The following MACF1 variants were observed in gnomAD, a reference collection of about 807,000 sequenced individuals.
MACF1 encodes the protein microtubule-actin cross-linking factor 1.
Under a neutral mutation model 854.8 loss-of-function variants are expected in MACF1, and 193 were observed. The observed-to-expected ratio is 0.23, with a 90% confidence interval of 0.20 to 0.25. The LOEUF (loss-of-function observed/expected upper bound fraction) is 0.25. MACF1 is among the 10% of genes least tolerant of loss of function. The pLI, the probability that MACF1 is intolerant of heterozygous loss-of-function variation, is 1.00. For synonymous variants in MACF1, 3,185 were observed against 3,226.7 expected (o/e 0.99, Z 0.44); for missense variants, 7,722 against 8,929.1 (o/e 0.86, Z 5.45).
intron 51 of MACF1, 54 bp downstream of exon 51, chr1:39,370,240 G>T (rs1451767013): frequency 1.4e-6 from 2 of 1,450,690 alleles, no homozygotes; most frequent in East Asian, 2.4e-5. Flanking sequence ...TTGAATACTT[G>T]TATTAACTGG....
chr1:39,295,953 G>T, intron 20 of MACF1, 71 bp downstream of exon 20: 1 of 1,316,250 alleles, frequency 7.6e-7, no homozygotes, highest in South Asian at 1.3e-5. Context: ...AAACACATCT[G>T]CGTTAGTGTG....
At chr1:39,223,633 G>GC (rs1644680196) in intron 1 of MACF1, among the ~76,000 whole-genome samples, 2 of 151,878 alleles carry the variant, frequency 1.3e-5, no homozygotes, top group Admixed American at 6.6e-5. Flanking sequence ...TCGTGCCTTG[G>GC]CCAACCAAGT....
intron 2 of MACF1, among the ~76,000 whole-genome samples, chr1:39,171,320 A>G (rs1571130979): frequency 1.3e-5 from 2 of 152,070 alleles, no homozygotes; most frequent in East Asian, 3.9e-4. Context: ...TAAAGTGTAC[A>G]GTTCATTGAC....
intron 6 of MACF1, among the ~76,000 whole-genome samples, chr1:39,279,446 A>G (rs1418271103): frequency 6.6e-6 from 1 of 151,532 alleles, no homozygotes; most frequent in African/African-American, 2.4e-5. Context: ...AATCTCATCT[A>G]TTATGAGTTT....
Position 39,105,655 on chromosome 1 carries a change from C to G in MACF1, c.220+21217C>G. 1.6e-6 allele frequency: 2 copies of G among 1,236,252 alleles called. No individual in the cohort carries two copies. The highest frequency in any genetic ancestry group is 2.1e-6 in the Non-Finnish European group (2 of 962,706). The allele number at this position is 1,236,252 out of a possible 1,614,324, so 76.6% of individuals were successfully genotyped here. A position where few individuals can be genotyped will look rare whatever the true frequency, so the allele number is the denominator to read the frequency against. On this transcript the variant is annotated intron_variant, in intron 2 of 93. Transcript: ENST00000361689. This position sits in a 1 kb window ranked among gnomAD's most constrained non-coding sequence, Gnocchi z 5.9. ...GGCTACGTGCCGGGTCAGCAGCCGG[C>G]CAACCGCAGCCAGGAGAAGGAGTTC...
intron 2 of MACF1, among the ~76,000 whole-genome samples, chr1:39,119,085 A>C (rs1294360578): frequency 6.6e-6 from 1 of 152,130 alleles, no homozygotes; most frequent in African/African-American, 2.4e-5. Flanking sequence ...TTGGGAGGCC[A>C]AGGCGGGCAG....
chr1:39,118,599 C>G (rs764725420), intron 2 of MACF1, among the ~76,000 whole-genome samples: 1 of 152,206 alleles, frequency 6.6e-6, no homozygotes, highest in African/African-American at 2.4e-5. Flanking sequence ...CTCAGGCCTC[C>G]TTTCTCTGAT....
chr1:39,186,971 T>C (rs1176093498), intron 2 of MACF1, among the ~76,000 whole-genome samples: 2 of 150,242 alleles, frequency 1.3e-5, no homozygotes, highest in African/African-American at 2.5e-5. Flanking sequence ...CTTTCTCTTT[T>C]ACTAGTGATT....
intron 52 of MACF1, among the ~76,000 whole-genome samples, chr1:39,376,252 A>G (rs1649711736): frequency 6.6e-6 from 1 of 152,194 alleles, no homozygotes. Flanking sequence ...AATTTATGTG[A>G]ATATTACATT....
At chr1:39,252,626 C>G (rs567541318) in intron 4 of MACF1, among the ~76,000 whole-genome samples, 42 of 152,304 alleles carry the variant, frequency 2.8e-4, no homozygotes, top group African/African-American at 9.9e-4. Flanking sequence ...TATCCTCATT[C>G]TCTGTCCTCT....
Position 39,335,835 on chromosome 1 carries a change from T to A in MACF1, c.9247T>A (p.Leu3083Ile), listed in dbSNP as rs1320963493. Residue 3083 changes from leucine to isoleucine, a missense_variant, in exon 37 of 101, where the codon TTA becomes ATA. Transcript: ENST00000564288. The stretch of plus-strand genomic sequence containing the variant: ...AAACAATTTAAGTCTCTGCTTGACT[T>A]TAAAACCAGAAGAAAACTTATCTCG... The part of the protein sequence containing the change: ...KVNNLSLCLT[L>I]KPEENLSREI... 1.9e-6 allele frequency: 3 copies of A among 1,614,126 alleles called. No homozygotes were observed. The African/African-American group carries it at 4.0e-5, about 22-fold the overall frequency.
intron 2 of MACF1, among the ~76,000 whole-genome samples, chr1:39,131,151 C>CTTTTTTTT (rs34762038): frequency 2.4e-5 from 1 of 42,382 alleles, no homozygotes; most frequent in African/African-American, 9.4e-5. Flanking sequence ...TGCGCCCGGC[C>CTTTTTTTT]TTTTTTTTTT....
At chr1:39,353,441 A>T (rs529053386) in intron 44 of MACF1, among the ~76,000 whole-genome samples, 1 of 152,062 alleles carries the variant, frequency 6.6e-6, no homozygotes, top group African/African-American at 2.4e-5. Flanking sequence ...CATCTTTCTT[A>T]CTTTCCTCTG....
rs190455723 is a variant in MACF1 at position 39,217,553 on chromosome 1, C to A, written c.109+12422C>A. On this transcript the variant is annotated intron_variant, in intron 1 of 100. Coordinates refer to ENST00000564288, the MANE Select transcript of MACF1 (RefSeq NM_001394062.1). ...AATAAAAATAAATAAAATTACTATT[C>A]AAACCTCATTGCTTAAAAAAGGGAT... Among the ~76,000 whole-genome samples the A allele has an allele frequency of 1.4e-3, 216 of 152,134 alleles. 1 individual carries two copies. The highest frequency in any genetic ancestry group is 4.9e-3 in the African/African-American group (202 of 41,502).
intron 2 of MACF1, among the ~76,000 whole-genome samples, chr1:39,106,188 A>G (rs993835557): frequency 6.6e-6 from 1 of 150,804 alleles, no homozygotes; most frequent in African/African-American, 2.4e-5. Context: ...GTGGAAGCCG[A>G]GGTTGGAAAG....
intron 91 of MACF1, chr1:39,459,724 C>T (rs954172820): frequency 2.7e-5 from 21 of 768,260 alleles, no homozygotes; most frequent in Non-Finnish European, 3.8e-5. Flanking sequence ...TTTGAAGTGT[C>T]ATTACCCAGT....
At chr1:39,393,258 C>T (rs1642126992) in intron 58 of MACF1, among the ~76,000 whole-genome samples, 1 of 140,656 alleles carries the variant, frequency 7.1e-6, no homozygotes, top group African/African-American at 2.7e-5. Context: ...AGATTTTCCT[C>T]ATTTTGAAAT....
Position 39,387,978 on chromosome 1 carries a change from A to T in MACF1, c.15136A>T (p.Asn5046Tyr). The change falls in exon 58 of 101, where the codon AAC becomes TAC. Residue 5046 changes from asparagine to tyrosine, a missense_variant. By Grantham distance (143) the Asn-to-Tyr change is moderately radical. Around this residue, in one of 15 missense-constraint regions of MACF1, gnomAD observed 2,807 missense variants for 3,235.8 expected, o/e 0.87. Transcript: ENST00000564288. ...FDALGSQACS[N>Y]KNLEKLRAQQ... ...TGCTCTGGGTTCTCAAGCCTGTAGC[A>T]ACAAGAACCTGGAGAAGCTAAGAGC... 6.2e-7 allele frequency: 1 copy of T among 1,614,122 alleles called. No individual in the cohort carries two copies. Among genetic ancestry groups the T allele is most frequent in the Non-Finnish European group, 8.5e-7 (1 of 1,180,018 alleles).
At chr1:39,315,487 C>T (rs1557582911) in intron 26 of MACF1, 26 bp from the exon 27 acceptor site, 1 of 1,612,238 alleles carries the variant, frequency 6.2e-7, no homozygotes, top group Non-Finnish European at 8.5e-7. Context: ...CTGTCTCCCT[C>T]TTTATGTGTG....
Sources: allele counts gnomAD v4.1 joint callset (sites outside exome capture counted in the v4.1 genomes callset), GRCh38; gene constraint gnomAD v4.1.1; regional missense constraint gnomAD v4.1.1; non-coding constraint Gnocchi (gnomAD v3.1); transcripts MANE v1.5; gene names NCBI Gene and HGNC (gene_info 2026-07-23, HGNC 2026-07-21).